Variants in TAOK3 observed in about 807,000 individuals in gnomAD.
The protein encoded by TAOK3 is serine/threonine-protein kinase TAO3.
In TAOK3, 40 loss-of-function variants were observed where a neutral mutation model predicts 120.4. The observed-to-expected ratio is 0.33, with a 90% CI of 0.26 to 0.43. The LOEUF (loss-of-function observed/expected upper bound fraction) is 0.43. Ranked by LOEUF, TAOK3 falls within the 20% of genes least tolerant of loss-of-function variation. TAOK3 has a pLI of 1.00. For missense variants in TAOK3, 821 were observed against 1,112.1 expected, an observed-to-expected ratio of 0.74 and a Z score of 3.72; for synonymous variants, 355 against 387.5, an observed-to-expected ratio of 0.92 and a Z score of 0.99.
intron 1 of TAOK3, among the ~76,000 whole-genome samples, chr12:118,280,220 C>T (rs1206450107): frequency 6.6e-6 from 1 of 152,094 alleles, no homozygotes; most frequent in African/African-American, 2.4e-5. Context: ...GCCACTACGC[C>T]CAGCTAATTT....
intron 13 of TAOK3, among the ~76,000 whole-genome samples, chr12:118,193,049 G>GTTTTTTTTTTTTTT (rs11380296): frequency 9.3e-6 from 1 of 107,408 alleles, no homozygotes; most frequent in Non-Finnish European, 1.8e-5. Context: ...CCACGTTGTT[G>GTTTTTTTTTTTTTT]TTTTTTTTTT....
At chr12:118,308,581 C>T (rs2043137555) in intron 1 of TAOK3, among the ~76,000 whole-genome samples, 2 of 152,066 alleles carry the variant, frequency 1.3e-5, no homozygotes, top group South Asian at 4.1e-4. Context: ...AGTACTTCTA[C>T]CTGGCAAGGG....
chr12:118,305,926 A>C (rs988656928), intron 1 of TAOK3, among the ~76,000 whole-genome samples: 3 of 151,252 alleles, frequency 2.0e-5, no homozygotes, highest in Non-Finnish European at 4.4e-5. Context: ...AAAAAAAAAA[A>C]GTTGGCTCAA....
intron 1 of TAOK3, among the ~76,000 whole-genome samples, chr12:118,366,039 C>T (rs946682726): frequency 2.0e-5 from 3 of 152,018 alleles, no homozygotes; most frequent in Non-Finnish European, 2.9e-5. Flanking sequence ...CTGAAGCAGG[C>T]GATCACCTGA....
intron 15 of TAOK3, among the ~76,000 whole-genome samples, chr12:118,179,260 C>G (rs2036542615): frequency 6.6e-6 from 1 of 152,210 alleles, no homozygotes. Context: ...CACCCTGGAA[C>G]TGTGTCCCCA....
chr12:118,334,112 G>A (rs534064844), intron 1 of TAOK3, among the ~76,000 whole-genome samples: 6 of 119,028 alleles, frequency 5.0e-5, no homozygotes, highest in African/African-American at 1.3e-4. Context: ...TCCAGCCTGA[G>A]CAAAAAGAGC....
chr12:118,253,720 G>C (rs571209524), intron 3 of TAOK3, among the ~76,000 whole-genome samples: 1 of 145,548 alleles, frequency 6.9e-6, no homozygotes, highest in South Asian at 2.2e-4. Context: ...CTGGGCGACA[G>C]AGCAAGACTG....
intron 3 of TAOK3, 135 bp from the exon 4 acceptor site, chr12:118,245,100 G>A: frequency 2.0e-6 from 1 of 496,482 alleles, no homozygotes; most frequent in Non-Finnish European, 3.4e-6. Flanking sequence ...AGGCTGGAGT[G>A]CAGCTCACTG....
At chr12:118,343,326 G>A (rs1220775296) in intron 1 of TAOK3, among the ~76,000 whole-genome samples, 1 of 151,394 alleles carries the variant, frequency 6.6e-6, no homozygotes, top group Non-Finnish European at 1.5e-5. Context: ...ACTCAGGAGG[G>A]TGGGGTGGGA....
intron 2 of TAOK3, among the ~76,000 whole-genome samples, chr12:118,256,766 G>T (rs1017596226): frequency 6.6e-6 from 1 of 152,148 alleles, no homozygotes; most frequent in Non-Finnish European, 1.5e-5. Flanking sequence ...TGGGGGTTTG[G>T]AGGGTGATAG....
At chr12:118,345,342 A>G (rs2044808231) in intron 1 of TAOK3, among the ~76,000 whole-genome samples, 1 of 152,216 alleles carries the variant, frequency 6.6e-6, no homozygotes, top group African/African-American at 2.4e-5. Flanking sequence ...GACAAATTCA[A>G]CATTTCTCCT....
At chr12:118,251,359 T>C (rs893826981) in intron 3 of TAOK3, among the ~76,000 whole-genome samples, 2 of 152,204 alleles carry the variant, frequency 1.3e-5, no homozygotes, top group African/African-American at 4.8e-5. Flanking sequence ...AGATAAAAGG[T>C]TAAAGCTTTT....
intron 1 of TAOK3, among the ~76,000 whole-genome samples, chr12:118,309,673 G>A (rs1255252259): frequency 2.6e-5 from 4 of 151,660 alleles, no homozygotes; most frequent in Admixed American, 2.0e-4. Context: ...CTGCCACCAC[G>A]CCTGGCTAAT....
chr12:118,340,991 A>ATTT (rs201372454), intron 1 of TAOK3, among the ~76,000 whole-genome samples: 4 of 146,824 alleles, frequency 2.7e-5, no homozygotes, highest in Non-Finnish European at 4.5e-5. Flanking sequence ...TAATATATCT[A>ATTT]ATTTTTTTTT....
At chr12:118,370,875 A>G (rs1198375616) in intron 1 of TAOK3, among the ~76,000 whole-genome samples, 2 of 152,130 alleles carry the variant, frequency 1.3e-5, no homozygotes, top group Non-Finnish European at 2.9e-5. Context: ...TCTGGTTTAA[A>G]TAGGTTTATC....
At chr12:118,189,707 C>G in intron 14 of TAOK3, 100 bp downstream of exon 14, 4 of 1,415,958 alleles carry the variant, frequency 2.8e-6, no homozygotes, top group Non-Finnish European at 2.9e-6. Context: ...GACTCCTTTC[C>G]TCCCATCCAT....
rs746925889 is a variant in TAOK3, at chr12:118,181,614, T to A, written c.1330-7A>T. The A allele has an allele frequency of 1.2e-6, 2 of 1,613,198 alleles. No homozygotes were observed. The highest frequency in any genetic ancestry group is 1.7e-6 in the Non-Finnish European group (2 of 1,179,294). On this transcript the variant is annotated splice_region_variant and splice_polypyrimidine_tract_variant and intron_variant, in intron 14 of 20. Coordinates refer to ENST00000392533, the MANE Select transcript of TAOK3 (RefSeq NM_016281.4). ...CATGGATCTGTCGTGTAACCTGAATTGGGTTAGGAAACAGAACTCAGGTAA... is the reference window on the plus strand; with the variant it reads ...CATGGATCTGTCGTGTAACCTGAATAGGGTTAGGAAACAGAACTCAGGTAA...
At chr12:118,231,429 A>T (rs1393356268) in intron 9 of TAOK3, among the ~76,000 whole-genome samples, 5 of 151,238 alleles carry the variant, frequency 3.3e-5, no homozygotes, top group African/African-American at 4.9e-5. Context: ...TAAATTGTGC[A>T]TCTTTATCAT....
intron 1 of TAOK3, among the ~76,000 whole-genome samples, chr12:118,347,196 A>G (rs1010261325): frequency 6.6e-6 from 1 of 152,116 alleles, no homozygotes; most frequent in Non-Finnish European, 1.5e-5. Context: ...TATCATTTGT[A>G]GAGATGAGAT....
Sources: gnomAD v4.1 joint callset for allele counts (sites outside exome capture counted in the v4.1 genomes callset) on GRCh38, gnomAD v4.1.1 for gene constraint, MANE v1.5 for transcripts, NCBI Gene and HGNC (gene_info 2026-07-23, HGNC 2026-07-21) for gene names.